The following NBAS variants were observed in gnomAD, a reference collection of about 807,000 sequenced individuals.
NBAS encodes NAG/BC035112 fusion.
In NBAS, 219 loss-of-function variants were observed where a neutral mutation model predicts 302.5. That is an observed-to-expected ratio of 0.72 (90% confidence interval 0.65 to 0.81). The LOEUF (loss-of-function observed/expected upper bound fraction) is 0.81. NBAS is among the 30% of genes least tolerant of loss of function. The pLI is 0.00. For synonymous variants in NBAS, 1,118 were observed against 1,021.6 expected (o/e 1.09, Z -1.80); for missense variants, 2,932 against 2,841.6 (o/e 1.03, Z -0.72).
chr2:15,452,303 T>G (rs1679057439), intron 21 of NBAS, among the ~76,000 whole-genome samples: 1 of 152,114 alleles, frequency 6.6e-6, no homozygotes, highest in Non-Finnish European at 1.5e-5. Context: ...ATTAAAAGTG[T>G]ATCATGGCCA....
chr2:15,238,641 T>C lies in NBAS; in HGVS notation c.5770A>G (p.Thr1924Ala). ...GGCTTCTCAATAAAATGTTTGACTGTCTTAATAGCCTTTCTAGTCATCTCT... is the reference window on the plus strand; with the variant it reads ...GGCTTCTCAATAAAATGTTTGACTGCCTTAATAGCCTTTCTAGTCATCTCT... ...RKEMTRKAIK[T>A]VKHFIEKPRK... Residue 1924 changes from threonine to alanine, a missense_variant, in exon 45 of 52, where the codon ACA becomes GCA. Transcript: ENST00000281513. The C allele has an allele frequency of 6.2e-7, 1 of 1,613,342 alleles. No homozygotes were observed. The highest frequency in any genetic ancestry group is 8.5e-7 in the Non-Finnish European group (1 of 1,179,900).
the NBAS span, among the ~76,000 whole-genome samples, chr2:15,132,268 C>A: frequency 1.3e-5 from 2 of 152,150 alleles, no homozygotes; most frequent in Non-Finnish European, 2.9e-5. Context: ...AACTATCAAG[C>A]CATGAAGACA....
chr2:15,197,621 T>C (rs766075281), intron 48 of NBAS, among the ~76,000 whole-genome samples: 12 of 152,230 alleles, frequency 7.9e-5, no homozygotes. Flanking sequence ...TTCTGTCTCA[T>C]GCCACACACC....
At chr2:15,209,887 TC>T (rs766107289) in intron 48 of NBAS, among the ~76,000 whole-genome samples, 5 of 152,130 alleles carry the variant, frequency 3.3e-5, no homozygotes, top group Non-Finnish European at 7.4e-5. Flanking sequence ...GACAGCCTCT[TC>T]AATAAATGCT....
chr2:15,321,862 C>G (rs966851967), intron 38 of NBAS, among the ~76,000 whole-genome samples: 6 of 152,134 alleles, frequency 3.9e-5, no homozygotes, highest in Admixed American at 6.5e-5. Context: ...ACTAGAAATA[C>G]CATTTGACCC....
At chr2:14,964,872 CA>C in the NBAS span, among the ~76,000 whole-genome samples, 2 of 152,060 alleles carry the variant, frequency 1.3e-5, no homozygotes, top group African/African-American at 4.8e-5. Flanking sequence ...TAGAAATTAG[CA>C]ACGGAAGAAT....
At chr2:15,186,109 C>CACACACACAT (rs780674526) in intron 50 of NBAS, among the ~76,000 whole-genome samples, 1 of 145,002 alleles carries the variant, frequency 6.9e-6, no homozygotes, top group African/African-American at 2.6e-5. Context: ...CACACACACA[C>CACACACACAT]ATATGTGTAT....
chr2:14,834,535 C>T, the NBAS span, among the ~76,000 whole-genome samples: 52 of 152,130 alleles, frequency 3.4e-4, no homozygotes, highest in Admixed American at 5.2e-4. Context: ...CCCTGAGGCT[C>T]ATAGCAGATT....
At chr2:15,465,076 G>A (rs1477900621) in intron 19 of NBAS, among the ~76,000 whole-genome samples, 1 of 152,154 alleles carries the variant, frequency 6.6e-6, no homozygotes, top group Non-Finnish European at 1.5e-5. Context: ...ATAAGACAAT[G>A]GCTGACAAAT....
the NBAS span, among the ~76,000 whole-genome samples, chr2:15,105,292 A>G: frequency 6.6e-6 from 1 of 152,122 alleles, no homozygotes; most frequent in Non-Finnish European, 1.5e-5. Flanking sequence ...TAATATTAGG[A>G]GAAATACCTA....
the NBAS span, among the ~76,000 whole-genome samples, chr2:14,972,860 C>T: frequency 6.6e-6 from 1 of 152,206 alleles, no homozygotes; most frequent in African/African-American, 2.4e-5. Flanking sequence ...TCGGCTGTCT[C>T]CAGGGATGAC....
At chr2:15,244,646 C>T (rs147867486) in intron 44 of NBAS, among the ~76,000 whole-genome samples, 58 of 152,170 alleles carry the variant, frequency 3.8e-4, no homozygotes, top group Admixed American at 1.6e-3. Flanking sequence ...AGGATTTGTC[C>T]ATTTGGTTCA....
At chr2:14,984,516 G>C in the NBAS span, among the ~76,000 whole-genome samples, 4 of 152,218 alleles carry the variant, frequency 2.6e-5, no homozygotes, top group African/African-American at 9.6e-5. Context: ...AAATAAGTGA[G>C]CTGAAGCGGA....
intron 35 of NBAS, among the ~76,000 whole-genome samples, chr2:15,340,097 G>A (rs1572685462): frequency 1.3e-5 from 2 of 152,312 alleles, no homozygotes; most frequent in East Asian, 3.9e-4. Flanking sequence ...TACTCTGAGT[G>A]AAAGGTTTTG....
chr2:15,251,335 A>AT (rs1300140746), intron 44 of NBAS, among the ~76,000 whole-genome samples: 1 of 152,192 alleles, frequency 6.6e-6, no homozygotes, highest in African/African-American at 2.4e-5. Context: ...GAGGGATAGC[A>AT]TTAGGGGAAA....
chr2:14,823,928 C>G, the NBAS span, among the ~76,000 whole-genome samples: 1 of 152,118 alleles, frequency 6.6e-6, no homozygotes, highest in Non-Finnish European at 1.5e-5. Flanking sequence ...AGAAGAAAAC[C>G]AAACCACTCC....
chr2:15,363,096 A>G (rs1275223013), intron 32 of NBAS, among the ~76,000 whole-genome samples: 1 of 152,190 alleles, frequency 6.6e-6, no homozygotes, highest in African/African-American at 2.4e-5. Flanking sequence ...AAAAAAAGAA[A>G]GAGCTGGTGG....
chr2:15,037,360 C>T, the NBAS span, among the ~76,000 whole-genome samples: 208 of 152,186 alleles, frequency 1.4e-3, 1 homozygote, highest in African/African-American at 4.7e-3. Context: ...TCCCCACCCG[C>T]AAGGCAGGGG....
the NBAS span, among the ~76,000 whole-genome samples, chr2:15,006,493 A>G: frequency 6.6e-6 from 1 of 152,190 alleles, no homozygotes; most frequent in Non-Finnish European, 1.5e-5. Flanking sequence ...CTGAAAAAAT[A>G]TTAATTGTAT....
Sources: allele counts gnomAD v4.1 joint callset (sites outside exome capture counted in the v4.1 genomes callset), GRCh38; gene constraint gnomAD v4.1.1; transcripts MANE v1.5; gene names NCBI Gene and HGNC (gene_info 2026-07-23, HGNC 2026-07-21).